The following MAP4K5 variants were observed in gnomAD, a reference collection of about 807,000 sequenced individuals.
The protein encoded by MAP4K5 is mitogen-activated protein kinase kinase kinase kinase 5.
A neutral mutation model predicts 135.6 loss-of-function variants in MAP4K5; 82 were observed. The ratio of observed to expected loss-of-function variants is 0.60; its 90% CI spans 0.51 to 0.73. The LOEUF (loss-of-function observed/expected upper bound fraction) is 0.73, where lower values mean the gene tolerates loss of function less well. Among genes scored for constraint, MAP4K5 ranks in the 30% least tolerant of loss-of-function variants. The pLI, the probability that MAP4K5 is intolerant of heterozygous loss-of-function variation, is 0.00. For missense variants in MAP4K5, 907 were observed against 1,010.9 expected (o/e 0.90, Z 1.39); for synonymous variants, 347 against 335.0 (o/e 1.04, Z -0.39).
Position 50,429,265 on chromosome 14 carries a change from G to T in MAP4K5, c.2165-5C>A, listed in dbSNP as rs2035918928. 1 of 1,546,190 alleles carries T rather than the reference G, an allele frequency of 6.5e-7. No individual in the cohort carries two copies. The highest frequency in any genetic ancestry group is 2.4e-5 in the East Asian group (1 of 41,610). ...TGGAATCTAACTGCTGGCTGCCTTA[G>T]GAAGTAAAAAACAAGGTTACAATTA... On this transcript the variant is annotated splice_polypyrimidine_tract_variant and splice_region_variant and intron_variant, in intron 28 of 32. Coordinates refer to ENST00000682126, the MANE Select transcript of MAP4K5 (RefSeq NM_006575.6).
rs747501781 is a variant in MAP4K5 at position 50,508,705 on chromosome 14, T to TA, written c.109-3849dup. ...TGTTGTGCACATGTACCCTAGAACT[T>TA]AAAGTATAAAAAAAAAAAGGCAACA... is the stretch of plus-strand genomic sequence containing the variant. On this transcript the variant is annotated intron_variant, in intron 2 of 32. Coordinates refer to ENST00000682126, the MANE Select transcript of MAP4K5 (RefSeq NM_006575.6). 8.6e-5 allele frequency among the ~76,000 whole-genome samples: 13 copies of TA among 151,260 alleles called. No homozygotes were observed. In the East Asian group the frequency reaches 2.2e-3, roughly 25 times the overall value.
At chr14:50,523,595 C>G (rs1425604588) in intron 2 of MAP4K5, among the ~76,000 whole-genome samples, 1 of 152,208 alleles carries the variant, frequency 6.6e-6, no homozygotes, top group African/African-American at 2.4e-5. Flanking sequence ...AATTCCCCAA[C>G]CTGCCTTCTT....
chr14:50,425,071 G>T (rs2035816599), intron 31 of MAP4K5, among the ~76,000 whole-genome samples: 1 of 152,164 alleles, frequency 6.6e-6, no homozygotes, highest in East Asian at 1.9e-4. Flanking sequence ...GCAAACAGAA[G>T]AAGTTTTTGA....
intron 9 of MAP4K5, among the ~76,000 whole-genome samples, chr14:50,469,175 G>A (rs996057390): frequency 6.6e-6 from 1 of 152,154 alleles, no homozygotes; most frequent in Non-Finnish European, 1.5e-5. Flanking sequence ...GACAGGAAAC[G>A]AGTACAAATT....
chr14:50,546,674 T>C (rs774647057), intron 1 of MAP4K5, among the ~76,000 whole-genome samples: 1 of 152,232 alleles, frequency 6.6e-6, no homozygotes. Flanking sequence ...TATTTTAAGA[T>C]GTCAGAGTTT....
At chr14:50,457,922 G>A (rs942728781) in intron 13 of MAP4K5, among the ~76,000 whole-genome samples, 2 of 151,978 alleles carry the variant, frequency 1.3e-5, no homozygotes, top group African/African-American at 4.8e-5. Context: ...TAGTACACTG[G>A]GACAGCAAAA....
chr14:50,472,421 G>A (rs978090174), intron 9 of MAP4K5: 1 of 152,128 alleles, frequency 6.6e-6, no homozygotes, highest in Non-Finnish European at 1.5e-5. Context: ...ATATGTATAT[G>A]AGAAATGTTG....
intron 2 of MAP4K5, among the ~76,000 whole-genome samples, chr14:50,516,906 C>T (rs968449718): frequency 6.6e-6 from 1 of 152,070 alleles, no homozygotes; most frequent in Non-Finnish European, 1.5e-5. Flanking sequence ...AGTCAGGAGG[C>T]CTAAGCTCTA....
chr14:50,434,486 G>C lies in MAP4K5; in HGVS notation c.2072C>G (p.Ala691Gly). The change falls in exon 28 of 33, where the codon GCT becomes GGT. Residue 691 changes from alanine to glycine, a missense_variant. Ala to Gly is a moderately conservative substitution (Grantham distance 60). Around this residue, in one of 3 missense-constraint regions of MAP4K5, gnomAD observed 690 missense variants for 777.4 expected, o/e 0.89. Transcript: ENST00000682126. ...PEQEYPMVCV[A>G]ISKGTESNQV... ...ATTCGATTCAGTGCCTTTGCTAATA[G>C]CTACACAGACCATAGGGTATTCCTG... 1 of 1,608,216 alleles carries C rather than the reference G, an allele frequency of 6.2e-7. No homozygotes were observed. Among genetic ancestry groups the C allele is most frequent in the Non-Finnish European group, 8.5e-7 (1 of 1,177,140 alleles).
chr14:50,543,078 A>G (rs987805489), intron 1 of MAP4K5, among the ~76,000 whole-genome samples: 1 of 152,264 alleles, frequency 6.6e-6, no homozygotes, highest in Non-Finnish European at 1.5e-5. Flanking sequence ...CCATCTCGAT[A>G]GTTATACAAG....
At chr14:50,447,348 C>A in intron 16 of MAP4K5, 66 bp downstream of exon 16, 2 of 925,764 alleles carry the variant, frequency 2.2e-6, no homozygotes, top group South Asian at 3.5e-5. Flanking sequence ...TAGAATAAAT[C>A]ACATGCCCCA....
intron 3 of MAP4K5, among the ~76,000 whole-genome samples, chr14:50,489,818 A>G (rs1451628039): frequency 6.6e-6 from 1 of 152,224 alleles, no homozygotes; most frequent in Non-Finnish European, 1.5e-5. Context: ...CAGCAGAATC[A>G]TAATAAAAGT....
At chr14:50,542,329 A>G (rs951565703) in intron 2 of MAP4K5, among the ~76,000 whole-genome samples, 1 of 152,030 alleles carries the variant, frequency 6.6e-6, no homozygotes, top group Non-Finnish European at 1.5e-5. Context: ...GCACTAGGAC[A>G]AATACCTAAT....
chr14:50,522,273 T>C (rs777189196), intron 2 of MAP4K5, among the ~76,000 whole-genome samples: 2 of 152,026 alleles, frequency 1.3e-5, no homozygotes, highest in African/African-American at 4.8e-5. Flanking sequence ...TAGTGATGCA[T>C]TGCTATACTT....
At chr14:50,559,195 G>A (rs1196352224) in intron 1 of MAP4K5, 1 of 152,170 alleles carries the variant, frequency 6.6e-6, no homozygotes, top group Non-Finnish European at 1.5e-5. Context: ...CTTACCATGA[G>A]GAATTAGCAG....
chr14:50,537,709 T>C (rs545907353), intron 2 of MAP4K5, among the ~76,000 whole-genome samples: 10 of 152,362 alleles, frequency 6.6e-5, no homozygotes, highest in African/African-American at 2.4e-4. Context: ...AAGGAGATCA[T>C]TTTGGATCTT....
rs532727050 is a variant in MAP4K5, at chr14:50,467,086, T to G, written c.675-441A>C. On this transcript the variant is annotated intron_variant, in intron 10 of 32. Transcript: ENST00000682126. ...AGGCAAATTATATCCATTTCCTGAT[T>G]GTTTTCCTTTTTTGGACAATGATTT... Among the ~76,000 whole-genome samples the G allele has an allele frequency of 1.8e-3, 275 of 152,130 alleles. 3 individuals carry two copies. The highest frequency in any genetic ancestry group is 2.1e-3 in the Non-Finnish European group (142 of 67,980).
chr14:50,473,365 T>C (rs951972148), intron 9 of MAP4K5, among the ~76,000 whole-genome samples: 12 of 152,132 alleles, frequency 7.9e-5, no homozygotes, highest in Admixed American at 3.3e-4. Context: ...TTTTTGCTAA[T>C]AGAGTTGGTA....
chr14:50,491,500 T>C (rs1041462317), intron 3 of MAP4K5, among the ~76,000 whole-genome samples: 5 of 151,926 alleles, frequency 3.3e-5, no homozygotes, highest in Non-Finnish European at 5.9e-5. Flanking sequence ...TTTCACCATG[T>C]TGGCCAGGAT....
Sources: allele counts gnomAD v4.1 joint callset (sites outside exome capture counted in the v4.1 genomes callset), GRCh38; gene constraint gnomAD v4.1.1; regional missense constraint gnomAD v4.1.1; transcripts MANE v1.5; gene names NCBI Gene and HGNC (gene_info 2026-07-23, HGNC 2026-07-21).